ARL14EPL: variants seen among roughly 807,000 people sequenced by gnomAD.
ARL14EPL encodes the protein ARL14 effector protein-like.
Under a neutral mutation model 15.9 loss-of-function variants are expected in ARL14EPL, and 17 were observed. That is an observed-to-expected ratio of 1.07 (90% CI 0.73 to 1.60). ARL14EPL has a LOEUF of 1.60. ARL14EPL is among the 40% of genes most tolerant of loss of function. ARL14EPL has a pLI of 0.00. For missense variants in ARL14EPL, 214 were observed against 185.9 expected (o/e 1.15, Z -0.88); for synonymous variants, 78 against 63.8 (o/e 1.22, Z -1.06).
chr5:116,042,824 T>G (rs73780806), intron 1 of ARL14EPL, among the ~76,000 whole-genome samples: 7,048 of 152,242 alleles, frequency 0.046, 418 homozygotes, highest in Admixed American at 0.14. Flanking sequence ...GCAGTAAGAA[T>G]TTTCTTATAA....
At chr5:116,053,092 C>T (rs1015206053) in intron 2 of ARL14EPL, among the ~76,000 whole-genome samples, 2 of 152,124 alleles carry the variant, frequency 1.3e-5, no homozygotes, top group Admixed American at 1.3e-4. Context: ...CACCTGTAAT[C>T]CCAGAACTTT....
Position 116,059,004 on chromosome 5 carries a change from T to C in ARL14EPL, c.*57T>C, listed in dbSNP as rs920745383. ...CTTCTTACACATTTAAGTTGACCTCTTTCTTTTGGGTGAATTTTAGGGCTT... is the reference window on the plus strand; with the variant it reads ...CTTCTTACACATTTAAGTTGACCTCCTTCTTTTGGGTGAATTTTAGGGCTT... On this transcript the variant is annotated 3_prime_UTR_variant, in exon 4 of 4. Transcript: ENST00000686077. The C allele has an allele frequency of 2.0e-6, 3 of 1,481,838 alleles. No individual in the cohort carries two copies. The East Asian group carries it at 7.4e-5, about 37-fold the overall frequency. The allele number at this position is 1,481,838 out of a possible 1,614,324, so 91.8% of individuals were successfully genotyped here. A position where few individuals can be genotyped will look rare whatever the true frequency, so the allele number is the denominator to read the frequency against.
chr5:116,036,156 A>G (rs1169816479), intron 1 of ARL14EPL, among the ~76,000 whole-genome samples: 3 of 152,236 alleles, frequency 2.0e-5, no homozygotes, highest in African/African-American at 7.2e-5. Flanking sequence ...ACACGTGGGG[A>G]AATAGGGGCT....
At chr5:116,039,811 C>T (rs371318690) in intron 1 of ARL14EPL, among the ~76,000 whole-genome samples, 1 of 152,086 alleles carries the variant, frequency 6.6e-6, no homozygotes, top group Non-Finnish European at 1.5e-5. Context: ...TCAATGATAA[C>T]ATGATGATAT....
At chr5:116,033,626 CAGA>C (rs1561575080) in intron 1 of ARL14EPL, among the ~76,000 whole-genome samples, 1 of 105,498 alleles carries the variant, frequency 9.5e-6, no homozygotes, top group African/African-American at 5.6e-5. Flanking sequence ...TTTAGAGGCA[CAGA>C]ATGAAAAAAT....
At chr5:116,051,858 T>A in intron 2 of ARL14EPL, 1 of 1,179,362 alleles carries the variant, frequency 8.5e-7, no homozygotes. Context: ...TATTTTTATT[T>A]TTTGATTTAA....
At chr5:116,041,837 AT>A (rs966758686) in intron 1 of ARL14EPL, among the ~76,000 whole-genome samples, 1 of 151,080 alleles carries the variant, frequency 6.6e-6, no homozygotes, top group Admixed American at 6.6e-5. Context: ...TTTAAAACAA[AT>A]TTTTTTTTGA....
At chr5:116,050,322 C>T (rs544669127) in intron 1 of ARL14EPL, among the ~76,000 whole-genome samples, 7 of 152,134 alleles carry the variant, frequency 4.6e-5, no homozygotes, top group Non-Finnish European at 8.8e-5. Context: ...CGTTTAGCTC[C>T]CACCTAAGTA....
intron 3 of ARL14EPL, among the ~76,000 whole-genome samples, chr5:116,056,973 A>AAG (rs1163879944): frequency 6.6e-6 from 1 of 152,186 alleles, no homozygotes; most frequent in Non-Finnish European, 1.5e-5. Context: ...ACACAACAAA[A>AAG]AGAGAGAATT....
chr5:116,054,001 A>G lies in ARL14EPL; in HGVS notation c.97-13A>G, dbSNP rs959017554. The G allele has an allele frequency of 1.9e-5, 29 of 1,523,844 alleles. No individual in the cohort carries two copies. The highest frequency in any genetic ancestry group is 2.5e-5 in the Non-Finnish European group (28 of 1,142,386). The allele number at this position is 1,523,844 out of a possible 1,614,324, so 94.4% of individuals were successfully genotyped here. On this transcript the variant is annotated splice_polypyrimidine_tract_variant and intron_variant, in intron 2 of 3. Coordinates refer to ENST00000686077, the MANE Select transcript of ARL14EPL (RefSeq NM_001195581.2). ...TCTGGTTCTTACTATTAATACATTTATTTGTTTAATAGCAACAAATAGAGC... is the reference window on the plus strand; with the variant it reads ...TCTGGTTCTTACTATTAATACATTTGTTTGTTTAATAGCAACAAATAGAGC...
intron 1 of ARL14EPL, among the ~76,000 whole-genome samples, chr5:116,039,646 T>C (rs988835798): frequency 6.6e-6 from 1 of 150,962 alleles, no homozygotes; most frequent in East Asian, 1.9e-4. Context: ...CAACAGAACA[T>C]GAAAATATAC....
chr5:116,040,247 T>C (rs1360051647), intron 1 of ARL14EPL, among the ~76,000 whole-genome samples: 1 of 152,078 alleles, frequency 6.6e-6, no homozygotes, highest in Non-Finnish European at 1.5e-5. Context: ...ATTTCTATTA[T>C]AGGCATTTGG....
At chr5:116,039,141 A>G (rs184252200) in intron 1 of ARL14EPL, among the ~76,000 whole-genome samples, 2 of 152,152 alleles carry the variant, frequency 1.3e-5, no homozygotes. Context: ...CCCAGGAGGG[A>G]GTGTAAGCCT....
At chr5:116,053,503 T>C (rs867428618) in intron 2 of ARL14EPL, among the ~76,000 whole-genome samples, 101 of 152,180 alleles carry the variant, frequency 6.6e-4, no homozygotes, top group African/African-American at 2.2e-3. Context: ...GAGTTCTGAA[T>C]TGGAGACCCC....
chr5:116,047,497 A>G (rs1048418573), intron 1 of ARL14EPL, among the ~76,000 whole-genome samples: 2 of 152,200 alleles, frequency 1.3e-5, no homozygotes, highest in Non-Finnish European at 1.5e-5. Context: ...TGGTTTCCTC[A>G]GCTGTAAAAT....
chr5:116,045,953 G>T (rs991628455), intron 1 of ARL14EPL, among the ~76,000 whole-genome samples: 3 of 152,174 alleles, frequency 2.0e-5, no homozygotes, highest in African/African-American at 4.8e-5. Flanking sequence ...AGAGGTTATT[G>T]TCTTGTGGTT....
chr5:116,044,945 G>A (rs1051960906), intron 1 of ARL14EPL, among the ~76,000 whole-genome samples: 11 of 151,964 alleles, frequency 7.2e-5, no homozygotes, highest in African/African-American at 2.7e-4. Flanking sequence ...CAACTTAAAG[G>A]TATGTGTTCT....
chr5:116,052,822 A>G (rs989007689), intron 2 of ARL14EPL, among the ~76,000 whole-genome samples: 2 of 152,232 alleles, frequency 1.3e-5, no homozygotes, highest in African/African-American at 4.8e-5. Context: ...TCCTACATTG[A>G]AAGCTTCCCT....
chr5:116,047,312 G>T (rs1876679), intron 1 of ARL14EPL, among the ~76,000 whole-genome samples: 2 of 152,062 alleles, frequency 1.3e-5, no homozygotes, highest in Non-Finnish European at 1.5e-5. Context: ...TAAAGTGCAT[G>T]CTTTCCTATT....
Sources: allele counts gnomAD v4.1 joint callset (sites outside exome capture counted in the v4.1 genomes callset), GRCh38; gene constraint gnomAD v4.1.1; transcripts MANE v1.5; gene names NCBI Gene and HGNC (gene_info 2026-07-23, HGNC 2026-07-21).